The following RPA2 variants were observed in gnomAD, a reference collection of about 807,000 sequenced individuals.
RPA2 encodes the protein replication protein A2.
In RPA2, 22 loss-of-function variants were observed where a neutral mutation model predicts 33.4. The observed-to-expected ratio is 0.66, with a 90% CI of 0.47 to 0.94. RPA2 has a LOEUF of 0.94. Among genes scored for constraint, RPA2 ranks in the 40% least tolerant of loss-of-function variants. The pLI, the probability that RPA2 is intolerant of heterozygous loss-of-function variation, is 0.00. For missense variants in RPA2, 279 were observed against 329.9 expected (o/e 0.85, Z 1.19); for synonymous variants, 109 against 114.9 (o/e 0.95, Z 0.33).
intron 6 of RPA2, among the ~76,000 whole-genome samples, chr1:27,894,628 C>T (rs2089867524): frequency 6.6e-6 from 1 of 152,166 alleles, no homozygotes; most frequent in Non-Finnish European, 1.5e-5. Flanking sequence ...ACTCTTGGCT[C>T]CTTTTGTTTG....
At chr1:27,901,652 C>T (rs367696764) in intron 4 of RPA2, among the ~76,000 whole-genome samples, 2 of 151,966 alleles carry the variant, frequency 1.3e-5, no homozygotes, top group South Asian at 2.1e-4. Context: ...TGAGCCACCG[C>T]GCCCAGCCAC....
At chr1:27,904,534 A>G (rs1004254828) in intron 4 of RPA2, among the ~76,000 whole-genome samples, 4 of 152,200 alleles carry the variant, frequency 2.6e-5, no homozygotes, top group African/African-American at 9.7e-5. Flanking sequence ...TGGTACTCCA[A>G]CAATAACTGC....
intron 4 of RPA2, among the ~76,000 whole-genome samples, chr1:27,899,143 C>G (rs939089639): frequency 1.3e-5 from 2 of 152,162 alleles, no homozygotes; most frequent in Admixed American, 6.5e-5. Context: ...GAGGCCAAGG[C>G]GAGCAAGTCA....
chr1:27,914,080 G>C lies in RPA2; in HGVS notation c.100C>G (p.Gln34Glu), dbSNP rs1363445599. ...CAACCTACTGATTTCTTTTCGGCTT[G>C]AGAAGGTGCGGGCGATCCAAAGCCC... ...PGGFGSPAPS[Q>E]AEKKSRARAQ... Residue 34 changes from glutamine (Q) to glutamate (E), a missense_variant, in exon 2 of 9, where the codon CAA (glutamine) becomes GAA (glutamate). By Grantham distance (29) the Gln-to-Glu change is conservative. Around this residue, in one of 2 missense-constraint regions of RPA2, gnomAD observed 274 missense variants for 310.3 expected, o/e 0.88. Coordinates refer to ENST00000373912, the MANE Select transcript of RPA2 (RefSeq NM_002946.5). 2 of 1,599,556 alleles carry C rather than the reference G, an allele frequency of 1.3e-6. No homozygotes were observed. Among genetic ancestry groups the C allele is most frequent in the South Asian group, 1.1e-5 (1 of 90,186 alleles).
In RPA2 at chr1:27,897,557, A is replaced by G. The variant is rs1326964582; in HGVS notation, c.408+76T>C. On this transcript the variant is annotated intron_variant, in intron 5 of 8. Coordinates refer to ENST00000373912, the MANE Select transcript of RPA2 (RefSeq NM_002946.5). ...ACAGGGAGACTTAAGTATTTTAACT[A>G]TCCAAAAGCCATGACATGAATCTAG... 7.7e-6 allele frequency: 8 copies of G among 1,037,558 alleles called. No homozygotes were observed. In the African/African-American group the frequency reaches 8.2e-5, roughly 11 times the overall value. 64.3% of individuals were successfully genotyped at this position (1,037,558 alleles called of 1,614,324 possible).
chr1:27,907,111 AT>A, intron 3 of RPA2, 69 bp downstream of exon 3: 1 of 1,573,662 alleles, frequency 6.4e-7, no homozygotes, highest in Non-Finnish European at 8.6e-7. Flanking sequence ...ACATTTTTGT[AT>A]TTTTTAATGA....
chr1:27,902,558 T>C (rs1331535859), intron 4 of RPA2, among the ~76,000 whole-genome samples: 2 of 152,146 alleles, frequency 1.3e-5, no homozygotes, highest in African/African-American at 2.4e-5. Context: ...GTCCTGGGAT[T>C]ACAGGCATGA....
intron 6 of RPA2, among the ~76,000 whole-genome samples, chr1:27,896,320 G>A: frequency 6.6e-6 from 1 of 151,994 alleles, no homozygotes; most frequent in Non-Finnish European, 1.5e-5. Context: ...AGCCTTCCAA[G>A]TAGCCCATCT....
At chr1:27,899,324 G>C (rs192629851) in intron 4 of RPA2, among the ~76,000 whole-genome samples, 9 of 151,962 alleles carry the variant, frequency 5.9e-5, no homozygotes, top group African/African-American at 2.2e-4. Flanking sequence ...CTGGCTAACA[G>C]GGAAACCCTG....
chr1:27,894,539 G>C, intron 6 of RPA2, 142 bp from the exon 7 acceptor site: 1 of 619,462 alleles, frequency 1.6e-6, no homozygotes, highest in Non-Finnish European at 2.8e-6. Flanking sequence ...CATTGGAGTG[G>C]ACAGCTATTA....
intron 2 of RPA2, among the ~76,000 whole-genome samples, chr1:27,911,511 A>T (rs2090096340): frequency 6.6e-6 from 1 of 152,258 alleles, no homozygotes; most frequent in African/African-American, 2.4e-5. Context: ...GCTTGGGAAG[A>T]AAAGATGAGA....
intron 8 of RPA2, 95 bp from the exon 9 acceptor site, chr1:27,892,342 C>T: frequency 1.1e-6 from 1 of 907,370 alleles, no homozygotes; most frequent in South Asian, 1.4e-5. Context: ...CTTCGCTTAT[C>T]TCCCAACTTT....
chr1:27,914,477 G>T lies in RPA2; in HGVS notation c.-34C>A. ...CGATTCTCCGCAAAGAGGCCGAGAAGGTGCGGGTCTGGGGGAATAGCGGAA... is the reference window on the plus strand; with the variant it reads ...CGATTCTCCGCAAAGAGGCCGAGAATGTGCGGGTCTGGGGGAATAGCGGAA... On this transcript the variant is annotated 5_prime_UTR_variant, in exon 1 of 9. Transcript: ENST00000373912. 6.3e-7 allele frequency: 1 copy of T among 1,591,662 alleles called. No individual in the cohort carries two copies. Among genetic ancestry groups the T allele is most frequent in the Non-Finnish European group, 8.6e-7 (1 of 1,167,890 alleles).
Position 27,914,531 on chromosome 1 carries a change from G to A in RPA2, c.-88C>T, listed in dbSNP as rs903074070. 1.1e-5 allele frequency: 17 copies of A among 1,607,356 alleles called. No homozygotes were observed. In the African/African-American group the frequency reaches 1.3e-4, roughly 13 times the overall value. ...CACAGAACGCGGCCGCCACTGCGCC[G>A]CTCTGGCTACTTTTCTCTGGCACCA... On this transcript the variant is annotated 5_prime_UTR_variant, in exon 1 of 9. Coordinates refer to ENST00000373912, the MANE Select transcript of RPA2 (RefSeq NM_002946.5).
At chr1:27,900,793 T>C (rs945900067) in intron 4 of RPA2, among the ~76,000 whole-genome samples, 4 of 152,036 alleles carry the variant, frequency 2.6e-5, no homozygotes, top group African/African-American at 9.7e-5. Context: ...CCCTCCCGAG[T>C]AGCCAGGATT....
chr1:27,903,905 C>CT (rs1052346717), intron 4 of RPA2, among the ~76,000 whole-genome samples: 1 of 148,114 alleles, frequency 6.8e-6, no homozygotes, highest in African/African-American at 2.5e-5. Context: ...TGGCTCATGC[C>CT]TATAATCCCA....
At chr1:27,905,479 A>G (rs1373977976) in intron 4 of RPA2, among the ~76,000 whole-genome samples, 2 of 151,244 alleles carry the variant, frequency 1.3e-5, no homozygotes, top group Non-Finnish European at 2.9e-5. Flanking sequence ...TTTTTAGGAG[A>G]CGGAGTTTCA....
chr1:27,898,714 T>G (rs940036914), intron 4 of RPA2, among the ~76,000 whole-genome samples: 1 of 150,858 alleles, frequency 6.6e-6, no homozygotes, highest in Non-Finnish European at 1.5e-5. Context: ...CCTGGTTAAT[T>G]TTTTTGTATT....
At chr1:27,911,203 G>GA (rs1337578519) in intron 2 of RPA2, among the ~76,000 whole-genome samples, 1 of 151,664 alleles carries the variant, frequency 6.6e-6, no homozygotes, top group African/African-American at 2.4e-5. Flanking sequence ...GCAACAGAGA[G>GA]ACTGTCTCAA....
Sources: gnomAD v4.1 joint callset for allele counts (sites outside exome capture counted in the v4.1 genomes callset) on GRCh38, gnomAD v4.1.1 for gene constraint, gnomAD v4.1.1 regional missense constraint, MANE v1.5 for transcripts, NCBI Gene and HGNC (gene_info 2026-07-23, HGNC 2026-07-21) for gene names.